The following CERS6 variants were observed in gnomAD, a reference collection of about 807,000 sequenced individuals.
CERS6 encodes the protein ceramide synthase 6, also known as LAG1 homolog, ceramide synthase 6.
In CERS6, 26 loss-of-function variants were observed where a neutral mutation model predicts 56.8. The observed-to-expected ratio is 0.46, with a 90% CI of 0.34 to 0.63. The LOEUF (loss-of-function observed/expected upper bound fraction) is 0.63, where lower values mean the gene tolerates loss of function less well. Ranked by LOEUF, CERS6 falls within the 30% of genes least tolerant of loss-of-function variation. The probability of loss-of-function intolerance (pLI) is 0.01; values close to 1 mark genes in which losing one functional copy is unlikely to be tolerated. For missense variants in CERS6, 415 were observed against 467.5 expected, an observed-to-expected ratio of 0.89 and a Z score of 1.04; for synonymous variants, 164 against 173.3, an observed-to-expected ratio of 0.95 and a Z score of 0.42.
chr2:168,478,454 CA>C (rs1302640581), intron 1 of CERS6, among the ~76,000 whole-genome samples: 1 of 152,162 alleles, frequency 6.6e-6, no homozygotes, highest in East Asian at 1.9e-4. Context: ...CCCTGACCTC[CA>C]GAGGTATCTG....
At chr2:168,695,552 G>T (rs541781713) in intron 6 of CERS6, among the ~76,000 whole-genome samples, 1 of 152,092 alleles carries the variant, frequency 6.6e-6, no homozygotes, top group Non-Finnish European at 1.5e-5. Flanking sequence ...GACCCCTTAC[G>T]TGTTAAATCC....
rs749689163 is a variant in CERS6 at position 168,550,596 on chromosome 2, T to G, written c.276+2895T>G. The stretch of plus-strand genomic sequence containing the variant: ...CCCACCCTGTGACTTAGTGTGCACA[T>G]GACCCACCAGCTGCCAGGTTTCCCT... On this transcript the variant is annotated intron_variant, in intron 2 of 9. Transcript: ENST00000305747. Among the ~76,000 whole-genome samples, 126 of 152,182 alleles carry G rather than the reference T, an allele frequency of 8.3e-4. 3 individuals are homozygous for G. The highest frequency in any genetic ancestry group is 3.2e-3 in the Middle Eastern group (1 of 316).
chr2:168,525,529 GTCACAAT>G, intron 1 of CERS6, among the ~76,000 whole-genome samples: 1 of 152,194 alleles, frequency 6.6e-6, no homozygotes, highest in Non-Finnish European at 1.5e-5. Flanking sequence ...TGGTTCTTGG[GTCACAAT>G]TCTTGTAATG....
intron 8 of CERS6, among the ~76,000 whole-genome samples, chr2:168,728,467 G>C (rs1683416338): frequency 7.1e-6 from 1 of 140,248 alleles, no homozygotes; most frequent in African/African-American, 2.7e-5. Flanking sequence ...TCGGCTCACT[G>C]CAACCTCTGC....
intron 8 of CERS6, among the ~76,000 whole-genome samples, chr2:168,730,956 T>C (rs1465724810): frequency 1.3e-5 from 2 of 152,140 alleles, no homozygotes; most frequent in Admixed American, 1.3e-4. Context: ...AAAAGGCCAT[T>C]GGAAACATGT....
chr2:168,768,346 C>T (rs1372685656), intron 9 of CERS6, among the ~76,000 whole-genome samples: 1 of 151,808 alleles, frequency 6.6e-6, no homozygotes, highest in Non-Finnish European at 1.5e-5. Context: ...TCTCCTGCCT[C>T]AGCCTCCAGA....
At chr2:168,499,896 T>C (rs1205776480) in intron 1 of CERS6, among the ~76,000 whole-genome samples, 1 of 152,102 alleles carries the variant, frequency 6.6e-6, no homozygotes, top group Non-Finnish European at 1.5e-5. Context: ...TTTTAGTCTG[T>C]GGAAAGCAGG....
Position 168,773,311 on chromosome 2 carries a change from G to C in CERS6, c.*3649G>C, listed in dbSNP as rs1046018939. 6.6e-6 allele frequency: 1 copy of C among 152,178 alleles called. No homozygotes were observed. Among genetic ancestry groups the C allele is most frequent in the Admixed American group, 6.5e-5 (1 of 15,294 alleles). 9.4% of individuals were successfully genotyped at this position (152,178 alleles called of 1,614,324 possible). On this transcript the variant is annotated 3_prime_UTR_variant, in exon 10 of 10. Coordinates refer to ENST00000305747, the MANE Select transcript of CERS6 (RefSeq NM_203463.3). ...TAAAAGATTGTTTAACAGTATGTGTGGTGATGTCATTATCTCCAGAGAGGC... is the reference window on the plus strand; with the variant it reads ...TAAAAGATTGTTTAACAGTATGTGTCGTGATGTCATTATCTCCAGAGAGGC...
chr2:168,562,506 CAT>C (rs1241446433), intron 3 of CERS6, among the ~76,000 whole-genome samples: 1 of 152,284 alleles, frequency 6.6e-6, no homozygotes, highest in East Asian at 1.9e-4. Context: ...CAGCAAAAAA[CAT>C]GTGAGCAAAA....
intron 3 of CERS6, among the ~76,000 whole-genome samples, chr2:168,608,207 A>T (rs1196180571): frequency 6.6e-6 from 1 of 152,256 alleles, no homozygotes; most frequent in East Asian, 1.9e-4. Context: ...CATATAGCTC[A>T]GAGAATATAT....
intron 8 of CERS6, among the ~76,000 whole-genome samples, chr2:168,731,909 G>A (rs1683545861): frequency 1.3e-5 from 2 of 152,174 alleles, no homozygotes; most frequent in African/African-American, 4.8e-5. Flanking sequence ...ACTGCATTAT[G>A]TTAGGAGCAC....
chr2:168,519,123 T>C lies in CERS6; in HGVS notation c.171-28473T>C, dbSNP rs536500419. On this transcript the variant is annotated intron_variant, in intron 1 of 9. Transcript: ENST00000305747. ...GTGTGCAATAAGGATTTTTAACTAA[T>C]TGAACAGTAATTTTATGTACATCAT... Among the ~76,000 whole-genome samples the C allele has an allele frequency of 1.1e-4, 16 of 152,340 alleles. 1 individual carries two copies. The highest frequency in any genetic ancestry group is 1.0e-3 in the South Asian group (5 of 4,822).
intron 1 of CERS6, among the ~76,000 whole-genome samples, chr2:168,545,750 C>T (rs1351866506): frequency 6.6e-6 from 1 of 152,068 alleles, no homozygotes; most frequent in African/African-American, 2.4e-5. Flanking sequence ...ACAGGGCATA[C>T]AAAGAGGAAA....
chr2:168,474,599 GC>G (rs1694035436), intron 1 of CERS6, among the ~76,000 whole-genome samples: 1 of 152,126 alleles, frequency 6.6e-6, no homozygotes, highest in Non-Finnish European at 1.5e-5. Context: ...AGGTTGGGAT[GC>G]TGGTTAGGAA....
intron 3 of CERS6, among the ~76,000 whole-genome samples, chr2:168,597,536 G>A (rs997127965): frequency 5.9e-5 from 9 of 152,064 alleles, no homozygotes; most frequent in African/African-American, 1.4e-4. Context: ...AGATATTGCC[G>A]TCAGGTGCAT....
At chr2:168,528,789 T>G (rs1574044919) in intron 1 of CERS6, among the ~76,000 whole-genome samples, 1 of 152,320 alleles carries the variant, frequency 6.6e-6, no homozygotes, top group East Asian at 1.9e-4. Flanking sequence ...TCTAATAGGT[T>G]TGGGAGTACT....
chr2:168,686,306 T>C (rs1686350698), intron 4 of CERS6, among the ~76,000 whole-genome samples: 1 of 151,430 alleles, frequency 6.6e-6, no homozygotes, highest in South Asian at 2.1e-4. Context: ...ACCCTATTGG[T>C]TTAAGACTCT....
chr2:168,682,958 A>G (rs1686258015), intron 4 of CERS6, among the ~76,000 whole-genome samples: 1 of 152,184 alleles, frequency 6.6e-6, no homozygotes, highest in Non-Finnish European at 1.5e-5. Flanking sequence ...GATTTATCTT[A>G]ATTTTTGTTA....
chr2:168,749,117 G>T (rs898492363), intron 8 of CERS6, among the ~76,000 whole-genome samples: 1 of 152,084 alleles, frequency 6.6e-6, no homozygotes, highest in Non-Finnish European at 1.5e-5. Flanking sequence ...TAACAGAAGA[G>T]TGCAGAACCC....
Sources: allele counts gnomAD v4.1 joint callset (sites outside exome capture counted in the v4.1 genomes callset), GRCh38; gene constraint gnomAD v4.1.1; transcripts MANE v1.5; gene names NCBI Gene and HGNC (gene_info 2026-07-23, HGNC 2026-07-21).